FSTL4: variants seen among roughly 807,000 people sequenced by gnomAD.
The protein encoded by FSTL4 is follistatin like 4, also known as follistatin-related protein 4.
FSTL4 carries 28 observed loss-of-function variants against 78.2 expected under a neutral mutation model. The ratio of observed to expected loss-of-function variants is 0.36; its 90% CI spans 0.27 to 0.49. FSTL4 has a LOEUF of 0.49. Ranked by LOEUF, FSTL4 falls within the 20% of genes least tolerant of loss-of-function variation. FSTL4 has a pLI of 0.98. For synonymous variants in FSTL4, 422 were observed against 440.5 expected, an observed-to-expected ratio of 0.96 and a Z score of 0.53; for missense variants, 922 against 1,084.9, an observed-to-expected ratio of 0.85 and a Z score of 2.11.
chr5:133,672,200 G>A, the FSTL4 span, among the ~76,000 whole-genome samples: 2 of 151,426 alleles, frequency 1.3e-5, no homozygotes, highest in Non-Finnish European at 3.0e-5. Context: ...CGGAAGCAAT[G>A]TGTATTACTT....
chr5:133,266,670 G>A (rs1752649274), intron 6 of FSTL4: 1 of 152,310 alleles, frequency 6.6e-6, no homozygotes, highest in Admixed American at 6.5e-5. Flanking sequence ...GAGTGGGGGA[G>A]TCTGTGGCAG....
In FSTL4 at chr5:133,199,282, G is replaced by A; in HGVS notation, c.2342C>T (p.Pro781Leu). ...VGMLKNLKEPPAGPAQPWGGT... is the reference protein window; with the variant it reads ...VGMLKNLKEPLAGPAQPWGGT... ...CCCCCAGGGCTGAGCTGGCCCTGCG[G>A]GTGGCTCCTTTAAGTTCTTCAGCAT... Residue 781 changes from proline to leucine, a missense_variant, in exon 16 of 16, where the codon CCC becomes CTC. Physicochemically the swap from Pro to Leu is moderately conservative, Grantham distance 98. Coordinates refer to ENST00000265342, the MANE Select transcript of FSTL4 (RefSeq NM_015082.2). This position sits in a 1 kb window ranked among gnomAD's most constrained non-coding sequence, Gnocchi z 4.4. The A allele has an allele frequency of 6.2e-7, 1 of 1,613,970 alleles. No individual in the cohort carries two copies. The highest frequency in any genetic ancestry group is 8.5e-7 in the Non-Finnish European group (1 of 1,179,844).
chr5:133,804,586 A>G, the FSTL4 span, among the ~76,000 whole-genome samples: 13 of 152,158 alleles, frequency 8.5e-5, no homozygotes, highest in African/African-American at 3.1e-4. Flanking sequence ...TCTGCATGAT[A>G]CCCAGAAAGG....
At chr5:133,841,795 A>G in the FSTL4 span, among the ~76,000 whole-genome samples, 4 of 152,210 alleles carry the variant, frequency 2.6e-5, no homozygotes, top group South Asian at 2.1e-4. Context: ...CTCACCTGCC[A>G]TCACTTGTCT....
At chr5:133,803,384 A>C in the FSTL4 span, among the ~76,000 whole-genome samples, 2 of 152,166 alleles carry the variant, frequency 1.3e-5, no homozygotes, top group African/African-American at 4.8e-5. Context: ...AGCTAGAAGA[A>C]GGGAAATCAC....
At chr5:133,816,733 T>C in the FSTL4 span, among the ~76,000 whole-genome samples, 2 of 152,154 alleles carry the variant, frequency 1.3e-5, no homozygotes, top group Non-Finnish European at 2.9e-5. Context: ...ATTGGCTAAT[T>C]AGGTGAAATG....
At chr5:133,260,120 G>A (rs1279928918) in intron 6 of FSTL4, among the ~76,000 whole-genome samples, 1 of 152,162 alleles carries the variant, frequency 6.6e-6, no homozygotes, top group African/African-American at 2.4e-5. Flanking sequence ...TTATCATCTG[G>A]GTCCCCGTCG....
the FSTL4 span, among the ~76,000 whole-genome samples, chr5:133,780,241 T>G: frequency 4.5e-4 from 68 of 151,872 alleles, no homozygotes; most frequent in Non-Finnish European, 7.2e-4. Flanking sequence ...GGAGGAGGGG[T>G]GTACACGAGC....
Position 133,249,545 on chromosome 5 carries a change from G to C in FSTL4, c.759C>G (p.Asp253Glu). The C allele has an allele frequency of 6.2e-7, 1 of 1,613,200 alleles. No homozygotes were observed. ...QVVQLSLAPE[D>E]RVSVTTVTVG... ...CGGTCACTGTGGTCACACTGACCCT[G>C]TCCTCGGGGGCGAGGCTGAGCTGAA... is the stretch of plus-strand genomic sequence containing the variant. The change falls in exon 7 of 16, where the codon GAC becomes GAG. Residue 253 changes from aspartate to glutamate, a missense_variant. Physicochemically the swap from Asp to Glu is conservative, Grantham distance 45 (BLOSUM62 2). Coordinates refer to ENST00000265342, the MANE Select transcript of FSTL4 (RefSeq NM_015082.2).
chr5:133,750,908 C>T, the FSTL4 span, among the ~76,000 whole-genome samples: 2 of 152,020 alleles, frequency 1.3e-5, no homozygotes, highest in Non-Finnish European at 2.9e-5. Context: ...GCCCTGAGAA[C>T]GCATCCCTCC....
intron 3 of FSTL4, among the ~76,000 whole-genome samples, chr5:133,547,384 C>T (rs946101059): frequency 5.9e-5 from 9 of 152,060 alleles, no homozygotes; most frequent in African/African-American, 2.2e-4. Flanking sequence ...AAGTTAAGAC[C>T]TTTGGGACTA....
the FSTL4 span, among the ~76,000 whole-genome samples, chr5:133,627,496 G>A: frequency 7.9e-5 from 12 of 152,278 alleles, no homozygotes; most frequent in East Asian, 1.9e-3. Flanking sequence ...AATTATGAGA[G>A]CTGCAATTCA....
intron 2 of FSTL4, among the ~76,000 whole-genome samples, chr5:133,596,958 T>C (rs529441530): frequency 3.3e-5 from 5 of 152,202 alleles, no homozygotes; most frequent in South Asian, 2.1e-4. Context: ...AAAGGATGGC[T>C]ACCCATCAAG....
At chr5:133,561,851 A>T (rs1389266204) in intron 3 of FSTL4, among the ~76,000 whole-genome samples, 1 of 152,202 alleles carries the variant, frequency 6.6e-6, no homozygotes, top group Non-Finnish European at 1.5e-5. Context: ...TCACTACTTA[A>T]GCAGGACACA....
At chr5:133,417,482 A>T (rs1756599473) in intron 3 of FSTL4, among the ~76,000 whole-genome samples, 1 of 152,234 alleles carries the variant, frequency 6.6e-6, no homozygotes, top group Admixed American at 6.5e-5. Context: ...TATATTGGCT[A>T]AAAATTTACA....
chr5:133,790,768 AT>A, the FSTL4 span, among the ~76,000 whole-genome samples: 1 of 152,194 alleles, frequency 6.6e-6, no homozygotes, highest in Admixed American at 6.5e-5. Flanking sequence ...TGTCTCTCAC[AT>A]CCCACATTCA....
chr5:133,306,807 G>A (rs1161802701), intron 6 of FSTL4, among the ~76,000 whole-genome samples: 1 of 152,196 alleles, frequency 6.6e-6, no homozygotes, highest in African/African-American at 2.4e-5. Context: ...CTGAGCAGGA[G>A]TGCAGGATGG....
At chr5:133,373,685 G>A (rs941991929) in intron 4 of FSTL4, among the ~76,000 whole-genome samples, 2 of 152,154 alleles carry the variant, frequency 1.3e-5, no homozygotes, top group Non-Finnish European at 2.9e-5. Context: ...TCCCTTCTTG[G>A]GAAGCCTTGA....
intron 3 of FSTL4, among the ~76,000 whole-genome samples, chr5:133,469,767 T>TCACACAGGA (rs1180266728): frequency 6.6e-6 from 1 of 151,908 alleles, no homozygotes; most frequent in African/African-American, 2.4e-5. Flanking sequence ...TCCAGAACAT[T>TCACACAGGA]CACTGGCGCA....
Sources: gnomAD v4.1 joint callset for allele counts (sites outside exome capture counted in the v4.1 genomes callset) on GRCh38, gnomAD v4.1.1 for gene constraint, Gnocchi (gnomAD v3.1) non-coding constraint, MANE v1.5 for transcripts, NCBI Gene and HGNC (gene_info 2026-07-23, HGNC 2026-07-21) for gene names.